KHDRBS2: variants seen among roughly 807,000 people sequenced by gnomAD.
KHDRBS2 encodes KH RNA binding domain containing, signal transduction associated 2, also known as KH domain-containing, RNA-binding, signal transduction-associated protein 2.
A neutral mutation model predicts 44.3 loss-of-function variants in KHDRBS2; 26 were observed. That is an observed-to-expected ratio of 0.59 (90% CI 0.43 to 0.81). The LOEUF (loss-of-function observed/expected upper bound fraction) is 0.81. KHDRBS2 is among the 40% of genes least tolerant of loss of function. The pLI is 0.00. For missense variants in KHDRBS2, 476 were observed against 433.1 expected (o/e 1.10, Z -0.88); for synonymous variants, 194 against 151.1 (o/e 1.28, Z -2.08).
At chr6:62,118,307 A>G (rs2150080393) in intron 2 of KHDRBS2, among the ~76,000 whole-genome samples, 1 of 152,332 alleles carries the variant, frequency 6.6e-6, no homozygotes, top group Non-Finnish European at 1.5e-5. Context: ...AGTTTGCAGT[A>G]TATTTTGAAG....
chr6:61,676,077 C>G (rs1049890875), downstream of KHDRBS2, among the ~76,000 whole-genome samples: 19 of 151,770 alleles, frequency 1.3e-4, no homozygotes, highest in Admixed American at 1.2e-3. Flanking sequence ...ATGGGACCAG[C>G]ATTGTTTCCT....
chr6:61,661,540 G>T, the KHDRBS2 span, among the ~76,000 whole-genome samples: 7 of 151,762 alleles, frequency 4.6e-5, no homozygotes, highest in Non-Finnish European at 7.4e-5. Context: ...TGTATTTAAG[G>T]GCTTTTTATA....
the KHDRBS2 span, among the ~76,000 whole-genome samples, chr6:61,632,247 A>G: frequency 6.6e-6 from 1 of 152,180 alleles, no homozygotes; most frequent in Non-Finnish European, 1.5e-5. Context: ...AATGATCTTT[A>G]GAAGAAAGTG....
At chr6:61,835,558 A>C (rs555988547) in intron 6 of KHDRBS2, among the ~76,000 whole-genome samples, 3 of 152,146 alleles carry the variant, frequency 2.0e-5, no homozygotes, top group African/African-American at 7.2e-5. Flanking sequence ...CAGAAAGACA[A>C]GGACTTATTA....
At chr6:62,146,003 G>T (rs1158971217) in intron 2 of KHDRBS2, among the ~76,000 whole-genome samples, 1 of 151,686 alleles carries the variant, frequency 6.6e-6, no homozygotes, top group Non-Finnish European at 1.5e-5. Context: ...CTTCCTTTCA[G>T]TTTCCCTACT....
At chr6:62,012,545 C>T (rs1780497390) in intron 3 of KHDRBS2, among the ~76,000 whole-genome samples, 1 of 152,156 alleles carries the variant, frequency 6.6e-6, no homozygotes, top group Admixed American at 6.5e-5. Context: ...ATACCACTGA[C>T]CTCATCTTGT....
At chr6:62,082,089 C>T (rs932548142) in intron 2 of KHDRBS2, among the ~76,000 whole-genome samples, 2 of 152,054 alleles carry the variant, frequency 1.3e-5, no homozygotes, top group African/African-American at 4.8e-5. Context: ...ACCATTAAAA[C>T]AGCTACTTTA....
chr6:61,634,160 G>C, the KHDRBS2 span, among the ~76,000 whole-genome samples: 120 of 151,932 alleles, frequency 7.9e-4, 1 homozygote, highest in African/African-American at 2.7e-3. Context: ...ATTTAAAAAG[G>C]CTTTCAAATG....
intron 6 of KHDRBS2, among the ~76,000 whole-genome samples, chr6:61,817,614 T>C (rs575009046): frequency 1.3e-5 from 2 of 152,152 alleles, no homozygotes; most frequent in Non-Finnish European, 2.9e-5. Flanking sequence ...TTTTAGTTCA[T>C]AAACTTTTCT....
At chr6:62,195,413 G>A (rs766143985) in intron 1 of KHDRBS2, among the ~76,000 whole-genome samples, 4 of 151,992 alleles carry the variant, frequency 2.6e-5, no homozygotes, top group Non-Finnish European at 4.4e-5. Flanking sequence ...TTTGAAAGAA[G>A]TGTCATTTCA....
intron 1 of KHDRBS2, among the ~76,000 whole-genome samples, chr6:62,245,498 AG>A (rs1835398755): frequency 6.6e-6 from 1 of 152,144 alleles, no homozygotes; most frequent in South Asian, 2.1e-4. Flanking sequence ...TTGGCCATAA[AG>A]TTCAGGCCTA....
chr6:61,833,271 T>C (rs142430057), intron 6 of KHDRBS2, among the ~76,000 whole-genome samples: 1 of 152,336 alleles, frequency 6.6e-6, no homozygotes, highest in Non-Finnish European at 1.5e-5. Flanking sequence ...TTGTTAGTAA[T>C]GCTTTCTGGC....
intron 6 of KHDRBS2, among the ~76,000 whole-genome samples, chr6:61,776,731 G>A (rs1782088687): frequency 6.6e-6 from 1 of 152,154 alleles, no homozygotes; most frequent in South Asian, 2.1e-4. Context: ...TCAGTGTGGC[G>A]ATTTCTCAGG....
chr6:61,727,602 A>T (rs1773783057), intron 7 of KHDRBS2, among the ~76,000 whole-genome samples: 1 of 152,114 alleles, frequency 6.6e-6, no homozygotes, highest in Non-Finnish European at 1.5e-5. Flanking sequence ...GAAACAAACA[A>T]CCCCATTAAA....
chr6:61,910,159 T>C (rs1353266287), intron 4 of KHDRBS2, among the ~76,000 whole-genome samples: 1 of 152,110 alleles, frequency 6.6e-6, no homozygotes, highest in Non-Finnish European at 1.5e-5. Flanking sequence ...TGCAACTAAG[T>C]TGGAATGGGT....
At chr6:61,660,530 T>C in the KHDRBS2 span, among the ~76,000 whole-genome samples, 4 of 151,870 alleles carry the variant, frequency 2.6e-5, no homozygotes, top group African/African-American at 9.7e-5. Context: ...CAGGTAGTTA[T>C]TTTAAAATAC....
chr6:62,122,235 T>G (rs2344796), intron 2 of KHDRBS2, among the ~76,000 whole-genome samples: 2 of 151,840 alleles, frequency 1.3e-5, no homozygotes, highest in African/African-American at 4.8e-5. Context: ...CCCCCATAGA[T>G]GAATTACAGC....
intron 7 of KHDRBS2, among the ~76,000 whole-genome samples, chr6:61,731,804 T>C (rs1774501079): frequency 1.3e-5 from 2 of 152,100 alleles, no homozygotes; most frequent in African/African-American, 2.4e-5. Context: ...AAAAAGTGGG[T>C]GATTGAATTT....
chr6:61,587,099 C>A, the KHDRBS2 span, among the ~76,000 whole-genome samples: 4 of 152,238 alleles, frequency 2.6e-5, no homozygotes, highest in Non-Finnish European at 5.9e-5. Flanking sequence ...ACTGCCTACT[C>A]CCCCACCAAC....
Sources: allele counts gnomAD v4.1 joint callset (sites outside exome capture counted in the v4.1 genomes callset), GRCh38; gene constraint gnomAD v4.1.1; transcripts MANE v1.5; gene names NCBI Gene and HGNC (gene_info 2026-07-23, HGNC 2026-07-21).